Variants in VWC2L observed in about 807,000 individuals in gnomAD.
VWC2L encodes the protein von Willebrand factor C domain-containing protein 2-like.
Under a neutral mutation model 21.6 loss-of-function variants are expected in VWC2L, and 10 were observed. That is an observed-to-expected ratio of 0.46 (90% CI 0.29 to 0.78). The LOEUF is 0.78. Among genes scored for constraint, VWC2L ranks in the 30% least tolerant of loss-of-function variants. The pLI is 0.10. For synonymous variants in VWC2L, 96 were observed against 94.3 expected (o/e 1.02, Z -0.10); for missense variants, 209 against 277.1 (o/e 0.75, Z 1.74).
intron 3 of VWC2L, among the ~76,000 whole-genome samples, chr2:214,460,775 G>A (rs980128953): frequency 6.6e-6 from 1 of 151,256 alleles, no homozygotes; most frequent in Non-Finnish European, 1.5e-5. Context: ...ATTTTTCATT[G>A]GAATGTGTTA....
intron 3 of VWC2L, among the ~76,000 whole-genome samples, chr2:214,543,702 C>A (rs778331236): frequency 6.6e-6 from 1 of 151,566 alleles, no homozygotes; most frequent in Non-Finnish European, 1.5e-5. Flanking sequence ...CTGGCAAGGT[C>A]CCTCAGCTTA....
At chr2:214,480,188 T>C (rs891057178) in intron 3 of VWC2L, among the ~76,000 whole-genome samples, 4 of 152,178 alleles carry the variant, frequency 2.6e-5, no homozygotes, top group Non-Finnish European at 5.9e-5. Flanking sequence ...CTGGAACTAA[T>C]GCCCTGTGTA....
At chr2:214,491,346 G>A (rs1342781778) in intron 3 of VWC2L, among the ~76,000 whole-genome samples, 3 of 152,154 alleles carry the variant, frequency 2.0e-5, no homozygotes, top group African/African-American at 2.4e-5. Flanking sequence ...TGGTTCATGC[G>A]TCTGATTGAA....
At chr2:214,568,544 A>G (rs1342068465) in intron 3 of VWC2L, among the ~76,000 whole-genome samples, 9 of 152,212 alleles carry the variant, frequency 5.9e-5, no homozygotes, top group Admixed American at 5.9e-4. Flanking sequence ...AGAAGGTGAA[A>G]GAGGAGCAAA....
chr2:214,469,808 A>T (rs1236800190), intron 3 of VWC2L, among the ~76,000 whole-genome samples: 3 of 152,182 alleles, frequency 2.0e-5, no homozygotes, highest in African/African-American at 7.2e-5. Context: ...CTTTAAGACT[A>T]TTTTATTCCT....
chr2:214,544,474 A>G (rs1689674520), intron 3 of VWC2L, among the ~76,000 whole-genome samples: 2 of 152,182 alleles, frequency 1.3e-5, no homozygotes, highest in South Asian at 4.1e-4. Flanking sequence ...GAGGTCTTTC[A>G]GGAACATACC....
At chr2:214,567,569 C>G (rs867131721) in intron 3 of VWC2L, among the ~76,000 whole-genome samples, 2 of 139,022 alleles carry the variant, frequency 1.4e-5, no homozygotes, top group African/African-American at 2.8e-5. Flanking sequence ...CACACACACA[C>G]ACACACACAC....
chr2:214,486,369 C>T (rs1358330361), intron 3 of VWC2L, among the ~76,000 whole-genome samples: 2 of 152,336 alleles, frequency 1.3e-5, no homozygotes, highest in East Asian at 3.9e-4. Flanking sequence ...CGTGTTCTTA[C>T]AAGAAATCTT....
intron 3 of VWC2L, among the ~76,000 whole-genome samples, chr2:214,533,560 A>G (rs1183815956): frequency 6.6e-6 from 1 of 151,702 alleles, no homozygotes; most frequent in Non-Finnish European, 1.5e-5. Flanking sequence ...AAAAAAAAAA[A>G]GCCAAGAGAT....
At chr2:214,551,122 G>A (rs1435417051) in intron 3 of VWC2L, among the ~76,000 whole-genome samples, 1 of 152,182 alleles carries the variant, frequency 6.6e-6, no homozygotes, top group Non-Finnish European at 1.5e-5. Context: ...GAAAAAGATA[G>A]TTAAATGATA....
intron 3 of VWC2L, among the ~76,000 whole-genome samples, chr2:214,490,427 T>C (rs1035747242): frequency 1.3e-5 from 2 of 152,062 alleles, no homozygotes; most frequent in Admixed American, 1.3e-4. Context: ...GGCTGAATCA[T>C]GTCACAGGAG....
chr2:214,472,868 T>C (rs1703330249), intron 3 of VWC2L, among the ~76,000 whole-genome samples: 1 of 152,226 alleles, frequency 6.6e-6, no homozygotes, highest in Non-Finnish European at 1.5e-5. Flanking sequence ...CATTTCAGTG[T>C]GAAAATATAT....
At chr2:214,480,120 C>T (rs942128019) in intron 3 of VWC2L, among the ~76,000 whole-genome samples, 5 of 152,104 alleles carry the variant, frequency 3.3e-5, no homozygotes, top group Admixed American at 1.3e-4. Flanking sequence ...GCAAATATTA[C>T]GTATACCATT....
At chr2:214,523,645 C>A (rs1689280091) in intron 3 of VWC2L, among the ~76,000 whole-genome samples, 1 of 152,076 alleles carries the variant, frequency 6.6e-6, no homozygotes, top group Admixed American at 6.6e-5. Context: ...TTGAGACCAG[C>A]CTGGCCAACA....
intron 3 of VWC2L, among the ~76,000 whole-genome samples, chr2:214,493,717 C>G (rs569035722): frequency 6.6e-6 from 1 of 152,270 alleles, no homozygotes; most frequent in Admixed American, 6.5e-5. Context: ...ATTCTGAGGT[C>G]AGGTCTCTAT....
chr2:214,521,854 G>A (rs1199739928), intron 3 of VWC2L, among the ~76,000 whole-genome samples: 1 of 152,208 alleles, frequency 6.6e-6, no homozygotes, highest in East Asian at 1.9e-4. Flanking sequence ...AAAAAGTAGC[G>A]ACATTAGGGA....
intron 3 of VWC2L, among the ~76,000 whole-genome samples, chr2:214,438,245 A>C (rs1023938915): frequency 6.6e-6 from 1 of 152,050 alleles, no homozygotes; most frequent in African/African-American, 2.4e-5. Flanking sequence ...GTGAGACCAA[A>C]CTGTCATAAA....
chr2:214,543,305 AC>A (rs764565433), intron 3 of VWC2L, among the ~76,000 whole-genome samples: 3 of 152,220 alleles, frequency 2.0e-5, no homozygotes, highest in African/African-American at 7.2e-5. Flanking sequence ...TAGAGTGTTT[AC>A]CTTTAAATAT....
intron 2 of VWC2L, among the ~76,000 whole-genome samples, chr2:214,425,177 C>T (rs1158373323): frequency 1.3e-5 from 2 of 152,198 alleles, no homozygotes; most frequent in Non-Finnish European, 2.9e-5. Flanking sequence ...CTTGCCTAAT[C>T]TGGAATCAGA....
Sources: allele counts gnomAD v4.1 joint callset (sites outside exome capture counted in the v4.1 genomes callset), GRCh38; gene constraint gnomAD v4.1.1; transcripts MANE v1.5; gene names NCBI Gene and HGNC (gene_info 2026-07-23, HGNC 2026-07-21).